STRN: variants seen among roughly 807,000 people sequenced by gnomAD.
STRN encodes protein phosphatase 2 regulatory subunit B'''alpha.
In STRN, 53 loss-of-function variants were observed where a neutral mutation model predicts 96.3. That is an observed-to-expected ratio of 0.55 (90% CI 0.44 to 0.69). STRN has a LOEUF of 0.69. Ranked by LOEUF, STRN falls within the 30% of genes least tolerant of loss-of-function variation. STRN has a pLI of 0.00. For synonymous variants in STRN, 428 were observed against 355.9 expected (o/e 1.20, Z -2.28); for missense variants, 987 against 963.9 (o/e 1.02, Z -0.32).
At chr2:36,880,156 T>C (rs181845923) in intron 9 of STRN, among the ~76,000 whole-genome samples, 78 of 152,224 alleles carry the variant, frequency 5.1e-4, no homozygotes, top group African/African-American at 1.8e-3. Flanking sequence ...TTAGTCGAGA[T>C]GGGGTTTTGC....
intron 7 of STRN, among the ~76,000 whole-genome samples, chr2:36,889,791 A>G (rs1669338865): frequency 6.6e-6 from 1 of 152,304 alleles, no homozygotes; most frequent in African/African-American, 2.4e-5. Flanking sequence ...CTACTGGTAA[A>G]GAAACCTCCA....
At chr2:36,914,573 T>C (rs1200315660) in intron 3 of STRN, among the ~76,000 whole-genome samples, 2 of 152,222 alleles carry the variant, frequency 1.3e-5, no homozygotes, top group African/African-American at 4.8e-5. Context: ...GGCATTGCTC[T>C]AGATCTCAAG....
rs773609008 is a variant in STRN, at chr2:36,916,257, G to T, written c.339-106C>A. 33 of 953,036 alleles carry T rather than the reference G, an allele frequency of 3.5e-5. No individual in the cohort carries two copies. In the African/African-American group the frequency reaches 4.4e-4, roughly 13 times the overall value. 59.0% of individuals were successfully genotyped at this position (953,036 alleles called of 1,614,324 possible). A position where few individuals can be genotyped will look rare whatever the true frequency, so the allele number is the denominator to read the frequency against. ...CAGTAGTCCTGGCTGAACACTCCTA[G>T]AACTTTCAAAGGCTCATAGCTTTCC... On this transcript the variant is annotated intron_variant, in intron 2 of 17. Transcript: ENST00000263918.
chr2:36,925,772 C>CA (rs768826556), intron 1 of STRN, among the ~76,000 whole-genome samples: 2 of 152,078 alleles, frequency 1.3e-5, no homozygotes, highest in Non-Finnish European at 2.9e-5. Context: ...GACTCCATAT[C>CA]AAAAAATAAA....
At chr2:36,902,141 T>C (rs990816298) in intron 5 of STRN, among the ~76,000 whole-genome samples, 3 of 152,208 alleles carry the variant, frequency 2.0e-5, no homozygotes, top group Non-Finnish European at 2.9e-5. Context: ...TCAAAATAGC[T>C]ACTTAAAATA....
chr2:36,931,978 A>G (rs781649237), intron 1 of STRN, among the ~76,000 whole-genome samples: 3 of 151,982 alleles, frequency 2.0e-5, no homozygotes, highest in Non-Finnish European at 2.9e-5. Context: ...ATACGACCAC[A>G]TGCAGCTGAT....
At chr2:36,945,584 T>C (rs1296920996) in intron 1 of STRN, among the ~76,000 whole-genome samples, 1 of 151,994 alleles carries the variant, frequency 6.6e-6, no homozygotes, top group African/African-American at 2.4e-5. Flanking sequence ...AGAGAATCGC[T>C]TGAACCAAGA....
intron 13 of STRN, among the ~76,000 whole-genome samples, chr2:36,859,729 A>T (rs1668430260): frequency 6.6e-6 from 1 of 152,244 alleles, no homozygotes; most frequent in African/African-American, 2.4e-5. Flanking sequence ...TATGAAGGAC[A>T]GGGAACAGAA....
At position 36,855,325 on chromosome 2, in the gene STRN, A is replaced by AG. The variant is rs1668317746; in HGVS notation, c.1864dup (p.Leu622ProfsTer5). On this transcript the variant is annotated frameshift_variant, in exon 15 of 18. Transcript: ENST00000263918. LOFTEE classifies it high-confidence loss of function. Reference sequence around the variant, plus strand: ...CATATGGCTCGGGTCACTGCTCACTAGATCCACAGAGGCAGGGATTCCCAG... The same window carrying AG: ...CATATGGCTCGGGTCACTGCTCACTAGGATCCACAGAGGCAGGGATTCCCAG... 6.2e-7 allele frequency: 1 copy of AG among 1,613,320 alleles called. No individual in the cohort carries two copies. Among genetic ancestry groups the AG allele is most frequent in the Non-Finnish European group, 8.5e-7 (1 of 1,179,670 alleles).
In STRN at chr2:36,838,770, G is replaced by A. The variant is rs937632923; in HGVS notation, c.*10686C>T. ...ATCATGGTGACAAACATATACACAG[G>A]AATGTTTATTGTAATAATAAAAAGG... is the stretch of plus-strand genomic sequence containing the variant. On this transcript the variant is annotated 3_prime_UTR_variant, in exon 18 of 18. Coordinates refer to ENST00000263918, the MANE Select transcript of STRN (RefSeq NM_003162.4). Among the ~76,000 whole-genome samples, 41 of 152,052 alleles carry A rather than the reference G, an allele frequency of 2.7e-4. No homozygotes were observed. Among genetic ancestry groups the A allele is most frequent in the African/African-American group, 9.2e-4 (38 of 41,408 alleles).
intron 2 of STRN, among the ~76,000 whole-genome samples, chr2:36,922,871 GCACGCGGTGGCT>G (rs1035886071): frequency 3.9e-5 from 6 of 152,170 alleles, no homozygotes; most frequent in Non-Finnish European, 7.4e-5. Flanking sequence ...ACTCCGGGCC[GCACGCGGTGGCT>G]CACGCCACCC....
At chr2:36,953,770 T>C (rs1355417312) in intron 1 of STRN, among the ~76,000 whole-genome samples, 1 of 152,224 alleles carries the variant, frequency 6.6e-6, no homozygotes, top group East Asian at 1.9e-4. Context: ...AATAACTTTC[T>C]GCATAAGAGC....
chr2:36,898,963 G>A (rs1462414990), intron 6 of STRN, among the ~76,000 whole-genome samples: 1 of 152,134 alleles, frequency 6.6e-6, no homozygotes, highest in African/African-American at 2.4e-5. Flanking sequence ...GAAGAAAATG[G>A]AGAAGGGAAG....
chr2:36,946,817 T>A (rs1374280087), intron 1 of STRN, among the ~76,000 whole-genome samples: 1 of 152,248 alleles, frequency 6.6e-6, no homozygotes, highest in Non-Finnish European at 1.5e-5. Context: ...TGTTTCTTTT[T>A]TGTAAAAAAG....
At chr2:36,901,327 T>TG (rs779941016) in intron 5 of STRN, among the ~76,000 whole-genome samples, 4 of 151,776 alleles carry the variant, frequency 2.6e-5, no homozygotes, top group Non-Finnish European at 5.9e-5. Context: ...CCAAGGCGGG[T>TG]GGATCATGAG....
At chr2:36,916,051 C>T (rs1180204771) in intron 3 of STRN, 27 bp downstream of exon 3, 1 of 1,588,930 alleles carries the variant, frequency 6.3e-7, no homozygotes, top group Non-Finnish European at 8.6e-7. Context: ...CTTTTTAACA[C>T]TTAAACTTCC....
chr2:36,886,892 G>T, intron 7 of STRN, 66 bp from the exon 8 acceptor site: 1 of 1,283,934 alleles, frequency 7.8e-7, no homozygotes, highest in Non-Finnish European at 1.1e-6. Context: ...GAGTCAGTAT[G>T]TCTGAATGAC....
intron 15 of STRN, among the ~76,000 whole-genome samples, chr2:36,854,930 G>A (rs1026387609): frequency 1.3e-5 from 2 of 151,944 alleles, no homozygotes; most frequent in African/African-American, 4.8e-5. Flanking sequence ...GAATAAATAT[G>A]GCTTTCTTCA....
chr2:36,961,731 C>T (rs928033706), intron 1 of STRN, among the ~76,000 whole-genome samples: 3 of 151,992 alleles, frequency 2.0e-5, no homozygotes, highest in African/African-American at 7.2e-5. Flanking sequence ...TAAAACATTC[C>T]GACGGCTGCT....
Sources: gnomAD v4.1 joint callset for allele counts (sites outside exome capture counted in the v4.1 genomes callset) on GRCh38, gnomAD v4.1.1 for gene constraint, MANE v1.5 for transcripts, NCBI Gene and HGNC (gene_info 2026-07-23, HGNC 2026-07-21) for gene names.